ALDH7A1: variants seen among roughly 807,000 people sequenced by gnomAD.
ALDH7A1 encodes aldehyde dehydrogenase 7 family member A1.
A neutral mutation model predicts 79.9 loss-of-function variants in ALDH7A1; 63 were observed. The observed-to-expected ratio is 0.79, with a 90% CI of 0.64 to 0.97. The LOEUF is 0.97. Among genes scored for constraint, ALDH7A1 ranks in the 50% least tolerant of loss-of-function variants. The pLI, the probability that ALDH7A1 is intolerant of heterozygous loss-of-function variation, is 0.00. For synonymous variants in ALDH7A1, 240 were observed against 231.2 expected, an observed-to-expected ratio of 1.04 and a Z score of -0.34; for missense variants, 627 against 665.2, an observed-to-expected ratio of 0.94 and a Z score of 0.63.
intron 9 of ALDH7A1, among the ~76,000 whole-genome samples, chr5:126,566,447 G>C (rs1329628599): frequency 6.6e-6 from 1 of 152,122 alleles, no homozygotes; most frequent in Admixed American, 6.6e-5. Flanking sequence ...CAACCTTGCT[G>C]ACCTTTTTCA....
intron 3 of ALDH7A1, among the ~76,000 whole-genome samples, chr5:126,591,682 G>A (rs892787119): frequency 6.6e-6 from 1 of 152,100 alleles, no homozygotes; most frequent in African/African-American, 2.4e-5. Flanking sequence ...TGAGGATGGG[G>A]GTAGTGGAAA....
At chr5:126,563,396 A>G (rs946292702) in intron 9 of ALDH7A1, among the ~76,000 whole-genome samples, 7 of 152,200 alleles carry the variant, frequency 4.6e-5, no homozygotes. Context: ...CTGTTTCTCC[A>G]GTGTTGAATA....
intron 10 of ALDH7A1, 99 bp from the exon 11 acceptor site, chr5:126,559,433 G>GTTTT: frequency 3.5e-6 from 2 of 569,812 alleles, no homozygotes; most frequent in Non-Finnish European, 5.6e-6. Flanking sequence ...TTTTGGTTTT[G>GTTTT]GTTTTTTTTT....
chr5:126,594,362 T>C, intron 1 of ALDH7A1: 1 of 442,110 alleles, frequency 2.3e-6, no homozygotes, highest in South Asian at 1.6e-5. Flanking sequence ...AGTTAAGCTC[T>C]AAATTAAGAT....
At chr5:126,554,599 A>G in intron 12 of ALDH7A1, 1 of 589,746 alleles carries the variant, frequency 1.7e-6, no homozygotes, top group Non-Finnish European at 3.1e-6. Context: ...CCAATACTCA[A>G]CTCCGTAATT....
At chr5:126,553,648 T>A (rs771522413) in intron 13 of ALDH7A1, among the ~76,000 whole-genome samples, 12 of 149,632 alleles carry the variant, frequency 8.0e-5, no homozygotes, top group Non-Finnish European at 1.8e-4. Flanking sequence ...GGAGGCGAGG[T>A]TGCAGTGAGC....
At chr5:126,565,797 CAT>C (rs1335341798) in intron 9 of ALDH7A1, among the ~76,000 whole-genome samples, 1 of 152,300 alleles carries the variant, frequency 6.6e-6, no homozygotes, top group East Asian at 1.9e-4. Context: ...ACTTCACACT[CAT>C]GTGTATAGAT....
At chr5:126,564,722 G>T in intron 9 of ALDH7A1, 1 of 449,506 alleles carries the variant, frequency 2.2e-6, no homozygotes, top group Non-Finnish European at 3.7e-6. Flanking sequence ...GCTGGCTATA[G>T]CATAGCGCTA....
intron 6 of ALDH7A1, among the ~76,000 whole-genome samples, chr5:126,576,851 T>C (rs1581388182): frequency 6.6e-6 from 1 of 152,260 alleles, no homozygotes; most frequent in South Asian, 2.1e-4. Context: ...TGCTTGAACC[T>C]GGGAGGCGGA....
At chr5:126,582,723 G>C (rs1431843644) in intron 5 of ALDH7A1, 128 bp downstream of exon 5, 1 of 1,028,700 alleles carries the variant, frequency 9.7e-7, no homozygotes, top group African/African-American at 1.6e-5. Flanking sequence ...GAAAGATTGA[G>C]GATATTTTCA....
rs1342037208 is a variant in ALDH7A1, at chr5:126,550,264, A to G, written c.1347T>C (p.Asn449=). 6.2e-7 allele frequency: 1 copy of G among 1,613,678 alleles called. No homozygotes were observed. Among genetic ancestry groups the G allele is most frequent in the Non-Finnish European group, 8.5e-7 (1 of 1,179,814 alleles). ...KNEEEVFAWN[N]EVKQGLSSSI... ...TACTTGAAAGTCCCTGTTTTACTTC[A>G]TTATTCCATGCAAAGACCTCTTCTT... is the stretch of plus-strand genomic sequence containing the variant. Residue 449 remains asparagine, a synonymous_variant, in exon 15 of 18, where the codon AAT becomes AAC. Coordinates refer to ENST00000409134, the MANE Select transcript of ALDH7A1 (RefSeq NM_001182.5).
intron 6 of ALDH7A1, 116 bp downstream of exon 6, chr5:126,576,963 G>T: frequency 2.3e-6 from 3 of 1,311,430 alleles, no homozygotes; most frequent in East Asian, 2.3e-5. Flanking sequence ...TATTGAAGAA[G>T]CCAGGTGTGG....
chr5:126,583,429 C>T (rs1751241605), intron 4 of ALDH7A1, among the ~76,000 whole-genome samples: 1 of 151,720 alleles, frequency 6.6e-6, no homozygotes, highest in South Asian at 2.1e-4. Context: ...TGCAGTGAGC[C>T]AAGATCCTGC....
chr5:126,563,985 C>T (rs1247757940), intron 9 of ALDH7A1, among the ~76,000 whole-genome samples: 1 of 151,818 alleles, frequency 6.6e-6, no homozygotes, highest in Non-Finnish European at 1.5e-5. Flanking sequence ...CAGGTTTTCA[C>T]AATGTTGCCC....
chr5:126,593,412 C>T lies in ALDH7A1; in HGVS notation c.193-8G>A, dbSNP rs1158385695. 2 of 1,613,284 alleles carry T rather than the reference C, an allele frequency of 1.2e-6. No homozygotes were observed. Among genetic ancestry groups the T allele is most frequent in the South Asian group, 1.1e-5 (1 of 91,054 alleles). On this transcript the variant is annotated splice_polypyrimidine_tract_variant and splice_region_variant and intron_variant, in intron 1 of 17. Transcript: ENST00000409134. ...GCAATAGGTCGTAATAACCTTAAAA[C>T]AAAAGGATGATGATCATGTATAGAA...
At chr5:126,555,681 G>A (rs2112762289) in intron 12 of ALDH7A1, among the ~76,000 whole-genome samples, 1 of 152,130 alleles carries the variant, frequency 6.6e-6, no homozygotes, top group African/African-American at 2.4e-5. Context: ...AAGGGTAATA[G>A]TAATGAGAGA....
intron 3 of ALDH7A1, among the ~76,000 whole-genome samples, chr5:126,591,261 G>T (rs1277310612): frequency 6.6e-6 from 1 of 152,168 alleles, no homozygotes; most frequent in African/African-American, 2.4e-5. Context: ...ACTTGTGGAA[G>T]TGGTATTTTT....
intron 8 of ALDH7A1, 69 bp downstream of exon 8, chr5:126,570,713 A>G (rs958395221): frequency 7.1e-7 from 1 of 1,401,116 alleles, no homozygotes; most frequent in Non-Finnish European, 1.0e-6. Context: ...TCATTATTCT[A>G]GTAACGATGA....
chr5:126,552,812 T>A (rs2112757263), intron 13 of ALDH7A1, among the ~76,000 whole-genome samples: 1 of 151,894 alleles, frequency 6.6e-6, no homozygotes, highest in African/African-American at 2.4e-5. Flanking sequence ...TGCAGTGACA[T>A]CATCATGACT....
Sources: gnomAD v4.1 joint callset for allele counts (sites outside exome capture counted in the v4.1 genomes callset) on GRCh38, gnomAD v4.1.1 for gene constraint, MANE v1.5 for transcripts, NCBI Gene and HGNC (gene_info 2026-07-23, HGNC 2026-07-21) for gene names.